SGCZ: variants seen among roughly 807,000 people sequenced by gnomAD.
SGCZ encodes the protein zeta-sarcoglycan.
In SGCZ, 40 loss-of-function variants were observed where a neutral mutation model predicts 41.3. That is an observed-to-expected ratio of 0.97 (90% CI 0.75 to 1.26). The LOEUF (loss-of-function observed/expected upper bound fraction) is 1.26. Ranked by LOEUF, SGCZ falls within the 50% of genes most tolerant of loss-of-function variation. SGCZ has a pLI of 0.00. For synonymous variants in SGCZ, 206 were observed against 137.5 expected (o/e 1.50, Z -3.49); for missense variants, 552 against 369.8 (o/e 1.49, Z -4.04).
intron 3 of SGCZ, among the ~76,000 whole-genome samples, chr8:14,283,527 C>A (rs1800521166): frequency 6.6e-6 from 1 of 152,150 alleles, no homozygotes; most frequent in African/African-American, 2.4e-5. Flanking sequence ...AAATAAAAAT[C>A]ACTTTTCATG....
intron 4 of SGCZ, among the ~76,000 whole-genome samples, chr8:14,180,140 T>C (rs1025533703): frequency 2.0e-5 from 3 of 152,206 alleles, no homozygotes; most frequent in Admixed American, 6.5e-5. Flanking sequence ...ACTGGCCATG[T>C]ATAGGGCAAT....
At chr8:14,926,351 CTA>C (rs1386444758) in intron 1 of SGCZ, among the ~76,000 whole-genome samples, 1 of 152,122 alleles carries the variant, frequency 6.6e-6, no homozygotes, top group Non-Finnish European at 1.5e-5. Flanking sequence ...TTAAACTAAA[CTA>C]TGTTGATAAG....
Position 14,090,656 on chromosome 8 carries a change from T to G in SGCZ, c.745-19A>C, listed in dbSNP as rs749584067. ...AAAATATCTATGGGAAAAAAGAAAT[T>G]GCATTTTAATTCATTTTAGAAATGT... is the stretch of plus-strand genomic sequence containing the variant. On this transcript the variant is annotated intron_variant, in intron 7 of 7. Coordinates refer to ENST00000382080, the MANE Select transcript of SGCZ (RefSeq NM_139167.4). The G allele has an allele frequency of 7.5e-6, 12 of 1,602,052 alleles. No individual in the cohort carries two copies. Among genetic ancestry groups the G allele is most frequent in the Non-Finnish European group, 1.7e-6 (2 of 1,174,634 alleles).
chr8:15,056,838 A>G (rs1213451795), intron 1 of SGCZ, among the ~76,000 whole-genome samples: 9 of 152,262 alleles, frequency 5.9e-5, no homozygotes, highest in Admixed American at 2.6e-4. Context: ...AGTGTCAGCA[A>G]TCAAGCACCT....
chr8:14,750,132 T>C (rs1272366720), intron 1 of SGCZ, among the ~76,000 whole-genome samples: 3 of 152,174 alleles, frequency 2.0e-5, no homozygotes, highest in Non-Finnish European at 4.4e-5. Flanking sequence ...TGGTTATATA[T>C]GAAGCCTTTT....
intron 1 of SGCZ, among the ~76,000 whole-genome samples, chr8:14,689,919 C>T (rs1027726349): frequency 2.0e-5 from 3 of 152,068 alleles, no homozygotes; most frequent in African/African-American, 7.2e-5. Flanking sequence ...TTACTGCCTA[C>T]GCAGGACACT....
At chr8:14,226,458 A>G (rs1806377047) in intron 4 of SGCZ, among the ~76,000 whole-genome samples, 1 of 152,062 alleles carries the variant, frequency 6.6e-6, no homozygotes, top group African/African-American at 2.4e-5. Context: ...TTGTCCTTTT[A>G]AGAACGTCAT....
chr8:14,787,390 T>G (rs1281260135), intron 1 of SGCZ, among the ~76,000 whole-genome samples: 1 of 152,014 alleles, frequency 6.6e-6, no homozygotes, highest in African/African-American at 2.4e-5. Flanking sequence ...ATATACTTGG[T>G]AAAATATACT....
chr8:14,628,770 C>T (rs760633083), intron 1 of SGCZ, among the ~76,000 whole-genome samples: 4 of 152,076 alleles, frequency 2.6e-5, no homozygotes, highest in Non-Finnish European at 5.9e-5. Flanking sequence ...ACATCAAGGT[C>T]ATTTATCTTT....
intron 4 of SGCZ, among the ~76,000 whole-genome samples, chr8:14,189,701 CATG>C (rs1278678723): frequency 3.3e-5 from 5 of 152,178 alleles, no homozygotes; most frequent in Non-Finnish European, 7.3e-5. Context: ...CTTACCTGAC[CATG>C]ATATCTGAAA....
rs576665370 is a variant in SGCZ at position 14,712,804 on chromosome 8, C to T, written c.40-157878G>A. ...TCTAGTAACCCTGTTTAAATATGTC[C>T]TTATTTTTTCTTCTTTTTTAATGTG... On this transcript the variant is annotated intron_variant, in intron 1 of 7. Coordinates refer to ENST00000382080, the MANE Select transcript of SGCZ (RefSeq NM_139167.4). Among the ~76,000 whole-genome samples the T allele has an allele frequency of 7.9e-5, 12 of 152,170 alleles. No homozygotes were observed. In the South Asian group the frequency reaches 8.3e-4, roughly 11 times the overall value.
intron 1 of SGCZ, among the ~76,000 whole-genome samples, chr8:14,899,596 T>A (rs1002331741): frequency 2.0e-5 from 3 of 152,168 alleles, no homozygotes; most frequent in Non-Finnish European, 4.4e-5. Flanking sequence ...AGCTTCCCCA[T>A]GCTTGGAGGC....
chr8:15,208,273 C>T (rs1009154234), intron 1 of SGCZ, among the ~76,000 whole-genome samples: 1 of 152,028 alleles, frequency 6.6e-6, no homozygotes, highest in Non-Finnish European at 1.5e-5. Context: ...TGATTATTCC[C>T]AATATAGGTA....
chr8:14,176,810 C>G (rs1293656164), intron 4 of SGCZ, among the ~76,000 whole-genome samples: 1 of 152,094 alleles, frequency 6.6e-6, no homozygotes, highest in Non-Finnish European at 1.5e-5. Context: ...ATTGCTAAAC[C>G]ATAGTAGACA....
At chr8:14,961,833 A>G (rs1393147818) in intron 1 of SGCZ, among the ~76,000 whole-genome samples, 1 of 152,134 alleles carries the variant, frequency 6.6e-6, no homozygotes, top group African/African-American at 2.4e-5. Flanking sequence ...TCAACAGACA[A>G]CACAGAAACT....
chr8:14,868,898 G>A (rs1423988025), intron 1 of SGCZ, among the ~76,000 whole-genome samples: 1 of 151,970 alleles, frequency 6.6e-6, no homozygotes, highest in African/African-American at 2.4e-5. Flanking sequence ...GGAAGAAGCT[G>A]GATCCCAGAA....
intron 2 of SGCZ, among the ~76,000 whole-genome samples, chr8:14,423,083 G>A (rs544207354): frequency 6.6e-6 from 1 of 151,740 alleles, no homozygotes; most frequent in Non-Finnish European, 1.5e-5. Context: ...GAACCCATGA[G>A]TGTTCATAGG....
intron 1 of SGCZ, among the ~76,000 whole-genome samples, chr8:14,977,758 A>C (rs1392759681): frequency 6.6e-6 from 1 of 152,130 alleles, no homozygotes; most frequent in Non-Finnish European, 1.5e-5. Context: ...CAGACCTCTT[A>C]GGGATGAAAC....
chr8:14,434,637 T>A (rs1407763854), intron 2 of SGCZ, among the ~76,000 whole-genome samples: 2 of 152,230 alleles, frequency 1.3e-5, no homozygotes, highest in Non-Finnish European at 2.9e-5. Context: ...TCATCTATGA[T>A]GTCTTTCAGC....
Sources: allele counts gnomAD v4.1 joint callset (sites outside exome capture counted in the v4.1 genomes callset), GRCh38; gene constraint gnomAD v4.1.1; transcripts MANE v1.5; gene names NCBI Gene and HGNC (gene_info 2026-07-23, HGNC 2026-07-21).